Variants in RNF123 observed in about 807,000 individuals in gnomAD.
The protein encoded by RNF123 is E3 ubiquitin-protein ligase RNF123.
RNF123 carries 86 observed loss-of-function variants against 168.5 expected under a neutral mutation model. That is an observed-to-expected ratio of 0.51 (90% CI 0.43 to 0.61). The LOEUF is 0.61. RNF123 is among the 20% of genes least tolerant of loss of function. RNF123 has a pLI of 0.00. For missense variants in RNF123, 1,419 were observed against 1,729.7 expected (o/e 0.82, Z 3.19); for synonymous variants, 666 against 689.1 (o/e 0.97, Z 0.52).
intron 5 of RNF123, 21 bp downstream of exon 5, chr3:49,697,478 G>A (rs370680718): frequency 1.1e-5 from 17 of 1,563,976 alleles, no homozygotes; most frequent in Non-Finnish European, 1.5e-5. Flanking sequence ...GTGAGGTGTG[G>A]AGACCCAGGT....
chr3:49,701,959 A>G (rs545490048), intron 17 of RNF123, 49 bp downstream of exon 17: 3 of 1,551,782 alleles, frequency 1.9e-6, no homozygotes, highest in African/African-American at 1.4e-5. Flanking sequence ...GTGTGTGCAC[A>G]TGAGGGTGCT....
At chr3:49,693,738 A>G (rs2054214742) in intron 3 of RNF123, among the ~76,000 whole-genome samples, 1 of 152,188 alleles carries the variant, frequency 6.6e-6, no homozygotes. Context: ...CTAACAGCAT[A>G]CAGGGGTTCC....
intron 25 of RNF123, among the ~76,000 whole-genome samples, chr3:49,706,386 G>A (rs746962605): frequency 5.9e-5 from 9 of 152,206 alleles, no homozygotes; most frequent in Non-Finnish European, 1.3e-4. Flanking sequence ...TGCACCCTCC[G>A]GAGCCCTCTG....
At chr3:49,710,689 A>G (rs946122335) in intron 26 of RNF123, among the ~76,000 whole-genome samples, 3 of 152,166 alleles carry the variant, frequency 2.0e-5, no homozygotes, top group Non-Finnish European at 2.9e-5. Context: ...GAACAGAGAT[A>G]ATTTTACTTT....
At chr3:49,716,544 G>C in intron 35 of RNF123, 67 bp downstream of exon 35, 16 of 1,302,192 alleles carry the variant, frequency 1.2e-5, no homozygotes, top group East Asian at 2.3e-5. Flanking sequence ...GCTGGACAGG[G>C]CCTCCTGGTA....
intron 31 of RNF123, 128 bp from the exon 32 acceptor site, chr3:49,715,447 A>T: frequency 8.8e-7 from 1 of 1,139,272 alleles, no homozygotes; most frequent in Non-Finnish European, 1.2e-6. Flanking sequence ...TGCTTTCATG[A>T]CCTGAGCATT....
intron 26 of RNF123, 114 bp downstream of exon 26, chr3:49,707,012 G>A (rs928241132): frequency 1.4e-5 from 11 of 771,520 alleles, no homozygotes; most frequent in Admixed American, 6.1e-5. Context: ...GCACACACAT[G>A]TCCCTTCCCA....
intron 26 of RNF123, among the ~76,000 whole-genome samples, chr3:49,707,192 C>T (rs767446805): frequency 2.0e-4 from 30 of 151,992 alleles, no homozygotes; most frequent in Non-Finnish European, 2.9e-4. Context: ...TCTTGGCCCC[C>T]GTCCTTCTCT....
Position 49,698,468 on chromosome 3 carries a change from A to G in RNF123, c.512A>G (p.Tyr171Cys). 1 of 1,613,948 alleles carries G rather than the reference A, an allele frequency of 6.2e-7. No homozygotes were observed. Among genetic ancestry groups the G allele is most frequent in the Non-Finnish European group, 8.5e-7 (1 of 1,180,016 alleles). ...GGGGTTGGAGATACACACAACTCCT[A>G]TGCCTATGATGGCAACCGCGTGCGC... ...EEGVGDTHNS[Y>C]AYDGNRVRKW... The change falls in exon 8 of 39, where the codon TAT (tyrosine) becomes TGT (cysteine). Residue 171 changes from tyrosine to cysteine, a missense_variant. Coordinates refer to ENST00000327697, the MANE Select transcript of RNF123 (RefSeq NM_022064.5).
At chr3:49,706,100 G>T (rs915197915) in intron 25 of RNF123, 35 bp downstream of exon 25, 1 of 1,580,524 alleles carries the variant, frequency 6.3e-7, no homozygotes, top group Non-Finnish European at 8.7e-7. Context: ...GGGGCAGCTT[G>T]CTTACTCGTA....
rs2054478464 is a variant in RNF123, at chr3:49,704,750, G to A, written c.1953G>A (p.Met651Ile). 6.3e-7 allele frequency: 1 copy of A among 1,577,698 alleles called. No homozygotes were observed. ...LDEDEEPAPA[M>I]AQRPMQALAV... is the part of the protein sequence containing the mutation. ...AGGATGAGGAGCCAGCCCCAGCTAT[G>A]GCCCAGGTGCCGCAGTGGGGGCAGG... is the stretch of plus-strand genomic sequence containing the variant. Residue 651 changes from methionine (M) to isoleucine (I), a missense_variant, in exon 22 of 39, where the codon ATG becomes ATA. By Grantham distance (10) the Met-to-Ile change is conservative (BLOSUM62 1). Coordinates refer to ENST00000327697, the MANE Select transcript of RNF123 (RefSeq NM_022064.5).
In RNF123 at chr3:49,721,286, C is replaced by A; in HGVS notation, c.3926C>A (p.Thr1309Asn). 6.2e-7 allele frequency: 1 copy of A among 1,614,206 alleles called. No homozygotes were observed. The highest frequency in any genetic ancestry group is 8.5e-7 in the Non-Finnish European group (1 of 1,180,030). The part of the protein sequence containing the change: ...EDWEKGANTS[T>N]TSSAA ...TGGGAGAAGGGAGCCAATACGAGTA[C>A]TACCTCCTCAGCTGCCTAGCCCTCA... The change falls in exon 39 of 39, where the codon ACT (threonine) becomes AAT (asparagine). Residue 1309 changes from threonine to asparagine, a missense_variant. By Grantham distance (65) the Thr-to-Asn change is moderately conservative (BLOSUM62 0). Transcript: ENST00000327697.
chr3:49,702,774 A>T, intron 20 of RNF123, 21 bp downstream of exon 20: 2 of 1,613,876 alleles, frequency 1.2e-6, no homozygotes, highest in Non-Finnish European at 1.7e-6. Context: ...CCGGGGTCCC[A>T]GGTCAGTGAG....
At chr3:49,708,508 A>ACC (rs34261514) in intron 26 of RNF123, among the ~76,000 whole-genome samples, 3 of 151,810 alleles carry the variant, frequency 2.0e-5, no homozygotes, top group Admixed American at 1.3e-4. Flanking sequence ...CGGCTCACAG[A>ACC]CCCCCAGCTG....
At chr3:49,698,934 C>A in intron 9 of RNF123, 46 bp from the exon 10 acceptor site, 1 of 1,608,558 alleles carries the variant, frequency 6.2e-7, no homozygotes, top group Non-Finnish European at 8.5e-7. Context: ...TGAGGGTGGG[C>A]AGCCACATGC....
In RNF123 at chr3:49,718,051, A is replaced by G. The variant is rs1351862549; in HGVS notation, c.3500+1574A>G. ...GTTGTAGAGATCGAATTCCTCAGCT[A>G]CTGCCAGCTGCACGCGGCCATTGAG... is the stretch of plus-strand genomic sequence containing the variant. On this transcript the variant is annotated intron_variant, in intron 35 of 38. Transcript: ENST00000327697. 3 of 1,613,524 alleles carry G rather than the reference A, an allele frequency of 1.9e-6. No homozygotes were observed. Among genetic ancestry groups the G allele is most frequent in the East Asian group, 2.2e-5 (1 of 44,894 alleles).
chr3:49,701,579 A>G lies in RNF123; in HGVS notation c.1366A>G (p.Thr456Ala). ...EAGLQELIPT[T>A]WWPHCSSREG... ...CGGCCTGCAGGAGCTCATTCCCACC[A>G]CCTGGTGGCCCCACTGCTCCAGTAG... Residue 456 changes from threonine to alanine, a missense_variant, in exon 16 of 39, where the codon ACC becomes GCC. Physicochemically the swap from Thr to Ala is moderately conservative, Grantham distance 58 (BLOSUM62 0). This residue lies in a region of RNF123 where 349 missense variants were observed against 344.9 expected (regional missense o/e 1.01). Transcript: ENST00000327697. The G allele has an allele frequency of 1.2e-6, 2 of 1,613,692 alleles. No homozygotes were observed. Among genetic ancestry groups the G allele is most frequent in the South Asian group, 2.2e-5 (2 of 91,084 alleles).
At chr3:49,700,800 T>A in intron 15 of RNF123, 91 bp downstream of exon 15, 2 of 1,370,522 alleles carry the variant, frequency 1.5e-6, no homozygotes, top group Non-Finnish European at 2.1e-6. Flanking sequence ...AGGCCAGGGG[T>A]CCCCTGGGAG....
At chr3:49,702,036 C>T (rs754806665) in intron 17 of RNF123, 47 bp from the exon 18 acceptor site, 2 of 1,600,428 alleles carry the variant, frequency 1.2e-6, no homozygotes, top group South Asian at 1.1e-5. Context: ...CAAACCTGCC[C>T]CCCATCTCCT....
Sources: gnomAD v4.1 joint callset for allele counts (sites outside exome capture counted in the v4.1 genomes callset) on GRCh38, gnomAD v4.1.1 for gene constraint, gnomAD v4.1.1 regional missense constraint, MANE v1.5 for transcripts, NCBI Gene and HGNC (gene_info 2026-07-23, HGNC 2026-07-21) for gene names.